Variants in WDR27 observed in about 807,000 individuals in gnomAD.
WDR27 encodes the protein WD repeat-containing protein 27.
A neutral mutation model predicts 114.4 loss-of-function variants in WDR27; 100 were observed. The ratio of observed to expected loss-of-function variants is 0.87; its 90% CI spans 0.74 to 1.03. The LOEUF is 1.03. Among genes scored for constraint, WDR27 ranks in the 50% least tolerant of loss-of-function variants. The probability of loss-of-function intolerance (pLI) is 0.00; values close to 1 mark genes in which losing one functional copy is unlikely to be tolerated. For synonymous variants in WDR27, 449 were observed against 423.1 expected, an observed-to-expected ratio of 1.06 and a Z score of -0.75; for missense variants, 1,129 against 1,092.9, an observed-to-expected ratio of 1.03 and a Z score of -0.47.
chr6:169,491,470 A>T (rs1789749487), intron 25 of WDR27, among the ~76,000 whole-genome samples: 1 of 151,978 alleles, frequency 6.6e-6, no homozygotes, highest in Non-Finnish European at 1.5e-5. Context: ...GCTCTGAAGC[A>T]TCTCTTTATT....
intron 2 of WDR27, among the ~76,000 whole-genome samples, chr6:169,674,595 C>A (rs931563474): frequency 6.6e-6 from 1 of 152,176 alleles, no homozygotes; most frequent in African/African-American, 2.4e-5. Context: ...GGAAACTTCA[C>A]GTGACCTGAC....
At chr6:169,539,410 G>A (rs1796577365) in intron 25 of WDR27, among the ~76,000 whole-genome samples, 2 of 152,228 alleles carry the variant, frequency 1.3e-5, no homozygotes, top group Middle Eastern at 3.4e-3. Context: ...TAAAGCTCTG[G>A]CAGTCAGCCG....
chr6:169,531,530 G>A (rs1795592829), intron 25 of WDR27, among the ~76,000 whole-genome samples: 1 of 152,118 alleles, frequency 6.6e-6, no homozygotes, highest in Admixed American at 6.5e-5. Context: ...TTTCCCAGAA[G>A]CACCCCAGCA....
At chr6:169,497,221 C>T (rs1404002802) in intron 25 of WDR27, among the ~76,000 whole-genome samples, 1 of 151,776 alleles carries the variant, frequency 6.6e-6, no homozygotes. Flanking sequence ...TATTAATGTG[C>T]AAATGAATGA....
At chr6:169,469,034 C>T (rs1303359164) in intron 25 of WDR27, among the ~76,000 whole-genome samples, 1 of 152,144 alleles carries the variant, frequency 6.6e-6, no homozygotes, top group Non-Finnish European at 1.5e-5. Context: ...TAATTTCCTC[C>T]TAAAAGGCCT....
intron 25 of WDR27, among the ~76,000 whole-genome samples, chr6:169,536,403 G>C (rs1796190701): frequency 6.6e-6 from 1 of 152,028 alleles, no homozygotes; most frequent in South Asian, 2.1e-4. Context: ...TTCCAAATTA[G>C]GTCCATTATT....
chr6:169,579,035 C>T (rs997942708), intron 24 of WDR27, among the ~76,000 whole-genome samples: 1 of 152,262 alleles, frequency 6.6e-6, no homozygotes, highest in Admixed American at 6.5e-5. Flanking sequence ...CCATGAGTTT[C>T]TCCTCCTGAT....
intron 21 of WDR27, among the ~76,000 whole-genome samples, chr6:169,621,716 A>G (rs1813372141): frequency 6.6e-6 from 1 of 151,994 alleles, no homozygotes; most frequent in African/African-American, 2.4e-5. Context: ...GCATTCACGC[A>G]TATACACATT....
At chr6:169,505,953 T>C (rs2997886) in intron 25 of WDR27, among the ~76,000 whole-genome samples, 135,676 of 152,250 alleles carry the variant, frequency 0.89, 61,468 homozygotes, top group Non-Finnish European at 0.94. Flanking sequence ...CATGCACCAC[T>C]TCAGTCAGTG....
At chr6:169,670,995 T>C (rs941796460) in intron 3 of WDR27, 4 of 273,198 alleles carry the variant, frequency 1.5e-5, no homozygotes, top group African/African-American at 8.8e-5. Flanking sequence ...ACTGCATGTT[T>C]CGATGCTTCT....
At chr6:169,642,131 AC>A (rs1819350691) in intron 17 of WDR27, among the ~76,000 whole-genome samples, 1 of 152,182 alleles carries the variant, frequency 6.6e-6, no homozygotes, top group Non-Finnish European at 1.5e-5. Context: ...TTGAATTTAT[AC>A]TTATTTGTCA....
At chr6:169,621,619 CAT>C (rs1183201837) in intron 21 of WDR27, among the ~76,000 whole-genome samples, 1 of 151,926 alleles carries the variant, frequency 6.6e-6, no homozygotes, top group Non-Finnish European at 1.5e-5. Flanking sequence ...TGCATTCACG[CAT>C]ATACATACCC....
rs571675847 is a variant in WDR27 at position 169,528,773 on chromosome 6, C to T, written c.2645+43646G>A. Reference sequence around the variant, plus strand: ...AACTCCCGGCCTCAAGTGATCCGCCCGCTTCAGCCTCCCAAAGTGTTAGGA... The same window carrying T: ...AACTCCCGGCCTCAAGTGATCCGCCTGCTTCAGCCTCCCAAAGTGTTAGGA... On this transcript the variant is annotated intron_variant, in intron 25 of 25. Transcript: ENST00000448612. 5.9e-5 allele frequency among the ~76,000 whole-genome samples: 9 copies of T among 152,290 alleles called. No individual in the cohort carries two copies. In the East Asian group the frequency reaches 1.4e-3, roughly 23 times the overall value.
chr6:169,509,616 T>C lies in WDR27; in HGVS notation c.2646-51982A>G, dbSNP rs535312148. Among the ~76,000 whole-genome samples the C allele has an allele frequency of 2.0e-5, 3 of 151,754 alleles. No individual in the cohort carries two copies. The East Asian group carries it at 5.8e-4, about 29-fold the overall frequency. The stretch of plus-strand genomic sequence containing the variant: ...AACTGGATCCCTTCCTTACACCTTA[T>C]ACAAAAATTAATTCAAGATGGATTA... On this transcript the variant is annotated intron_variant, in intron 25 of 25. Transcript: ENST00000448612.
At chr6:169,503,736 A>G (rs1419469212) in intron 25 of WDR27, among the ~76,000 whole-genome samples, 3 of 152,020 alleles carry the variant, frequency 2.0e-5, no homozygotes, top group East Asian at 3.8e-4. Flanking sequence ...CAGCCACAGA[A>G]AGTAGAAGAA....
At chr6:169,649,820 A>C in intron 14 of WDR27, among the ~76,000 whole-genome samples, 1 of 120,074 alleles carries the variant, frequency 8.3e-6, no homozygotes, top group Non-Finnish European at 1.7e-5. Context: ...CATCCCTCAC[A>C]CATCCATCTC....
chr6:169,438,378 C>T, the WDR27 span, among the ~76,000 whole-genome samples: 1 of 151,872 alleles, frequency 6.6e-6, no homozygotes, highest in African/African-American at 2.4e-5. Context: ...GCTGGGACTA[C>T]AGGCACCCAC....
intron 19 of WDR27, among the ~76,000 whole-genome samples, 188 bp downstream of exon 19, chr6:169,636,183 G>C (rs1021811119): frequency 2.0e-5 from 3 of 152,132 alleles, no homozygotes; most frequent in Admixed American, 6.5e-5. Flanking sequence ...AAGGCCCCGC[G>C]CATAGTAATA....
chr6:169,613,633 C>T lies in WDR27; in HGVS notation c.2247G>A (p.Gln749=). Residue 749 remains glutamine (Q), a synonymous_variant, in exon 22 of 26, where the codon CAG becomes CAA. Coordinates refer to ENST00000448612, the MANE Select transcript of WDR27 (RefSeq NM_182552.5). ...QNKGSSFTTQ[Q]PQAYNLFLTT... ...TCAGGAAAAGGTTATAAGCCTGAGG[C>T]TGTTGGGTTGTAAATGATGAACCCT... 1 of 1,613,628 alleles carries T rather than the reference C, an allele frequency of 6.2e-7. No homozygotes were observed.
Sources: gnomAD v4.1 joint callset for allele counts (sites outside exome capture counted in the v4.1 genomes callset) on GRCh38, gnomAD v4.1.1 for gene constraint, MANE v1.5 for transcripts, NCBI Gene and HGNC (gene_info 2026-07-23, HGNC 2026-07-21) for gene names.